CHSY3: variants seen among roughly 807,000 people sequenced by gnomAD.
CHSY3 encodes the protein chondroitin sulfate synthase 3.
Under a neutral mutation model 67.2 loss-of-function variants are expected in CHSY3, and 35 were observed. That is an observed-to-expected ratio of 0.52 (90% CI 0.40 to 0.69). The LOEUF (loss-of-function observed/expected upper bound fraction) is 0.69, where lower values mean the gene tolerates loss of function less well. CHSY3 is among the 30% of genes least tolerant of loss of function. The pLI is 0.00. For synonymous variants in CHSY3, 474 were observed against 434.7 expected (o/e 1.09, Z -1.12); for missense variants, 1,069 against 1,138.5 (o/e 0.94, Z 0.88).
At chr5:130,043,063 A>G (rs1345103018) in intron 2 of CHSY3, among the ~76,000 whole-genome samples, 5 of 152,074 alleles carry the variant, frequency 3.3e-5, no homozygotes, top group African/African-American at 1.2e-4. Context: ...CTGAAACATT[A>G]TCCTTAATTG....
chr5:129,975,474 A>C (rs1205326003), intron 2 of CHSY3, among the ~76,000 whole-genome samples: 1 of 152,168 alleles, frequency 6.6e-6, no homozygotes, highest in Admixed American at 6.5e-5. Context: ...TGTTAATACA[A>C]TATTTTAATA....
intron 2 of CHSY3, among the ~76,000 whole-genome samples, chr5:129,966,195 G>A (rs1354126519): frequency 1.3e-5 from 2 of 151,920 alleles, no homozygotes; most frequent in Non-Finnish European, 2.9e-5. Flanking sequence ...AAGCAAAAGT[G>A]TGGAGTATTT....
chr5:130,073,794 C>T (rs1019010918), intron 2 of CHSY3, among the ~76,000 whole-genome samples: 1 of 152,114 alleles, frequency 6.6e-6, no homozygotes, highest in African/African-American at 2.4e-5. Context: ...GCAGTGCATA[C>T]TTATGTTTAT....
chr5:130,050,147 C>A (rs1179849080), intron 2 of CHSY3, among the ~76,000 whole-genome samples: 1 of 152,076 alleles, frequency 6.6e-6, no homozygotes, highest in East Asian at 1.9e-4. Context: ...GGTGAATACA[C>A]ATCAAACTAC....
At chr5:130,099,837 C>T (rs186659415) in intron 2 of CHSY3, among the ~76,000 whole-genome samples, 7 of 152,264 alleles carry the variant, frequency 4.6e-5, no homozygotes, top group Admixed American at 2.0e-4. Context: ...CAACCTCTAC[C>T]GAGCTTTCAG....
chr5:129,996,178 C>T (rs982631946), intron 2 of CHSY3, among the ~76,000 whole-genome samples: 3 of 152,086 alleles, frequency 2.0e-5, no homozygotes, highest in African/African-American at 7.2e-5. Flanking sequence ...CTGGGAAGTG[C>T]CTAACAACAG....
chr5:129,905,197 GGCTTCCCGGT>G lies in CHSY3; in HGVS notation c.372_381del (p.Pro125GlnfsTer50), dbSNP rs1561446857. Reference sequence around the variant, plus strand: ...GGACGCGAGCCTGAGGGCGCGACGGGGCTTCCCGGTGCTCCAGCGGCCGAGGGGGAGCCCG... The same window carrying G: ...GGACGCGAGCCTGAGGGCGCGACGGGGCTCCAGCGGCCGAGGGGGAGCCCG... On this transcript the variant is annotated frameshift_variant, in exon 1 of 3. Coordinates refer to ENST00000305031, the MANE Select transcript of CHSY3 (RefSeq NM_175856.5). LOFTEE classifies it high-confidence loss of function. 6.6e-7 allele frequency: 1 copy of G among 1,517,558 alleles called. No homozygotes were observed. Among genetic ancestry groups the G allele is most frequent in the Non-Finnish European group, 8.8e-7 (1 of 1,139,264 alleles). The allele number at this position is 1,517,558 out of a possible 1,614,324, so 94.0% of individuals were successfully genotyped here.
chr5:130,109,212 A>C (rs1481024110), intron 2 of CHSY3, among the ~76,000 whole-genome samples: 1 of 151,806 alleles, frequency 6.6e-6, no homozygotes, highest in Non-Finnish European at 1.5e-5. Flanking sequence ...TGTAACTTAG[A>C]AATCTTTGTT....
chr5:130,072,908 T>G (rs7715346), intron 2 of CHSY3, among the ~76,000 whole-genome samples: 74,323 of 151,950 alleles, frequency 0.49, 19,075 homozygotes, highest in African/African-American at 0.65. Flanking sequence ...GACAAACACT[T>G]CATGATCTCA....
chr5:129,966,788 C>G (rs534041294), intron 2 of CHSY3, among the ~76,000 whole-genome samples: 1 of 151,766 alleles, frequency 6.6e-6, no homozygotes, highest in African/African-American at 2.4e-5. Context: ...GGGTTTAGTT[C>G]TTGCCTTGAA....
intron 2 of CHSY3, among the ~76,000 whole-genome samples, chr5:130,117,751 A>G (rs1025025548): frequency 6.6e-6 from 1 of 152,210 alleles, no homozygotes; most frequent in African/African-American, 2.4e-5. Context: ...TATCAAACAC[A>G]TCATAAATCT....
At chr5:129,938,532 T>C (rs1761584802) in intron 2 of CHSY3, among the ~76,000 whole-genome samples, 1 of 152,236 alleles carries the variant, frequency 6.6e-6, no homozygotes, top group African/African-American at 2.4e-5. Flanking sequence ...TTCATGCATA[T>C]GAGCATATGC....
intron 2 of CHSY3, among the ~76,000 whole-genome samples, chr5:129,995,520 T>C (rs1318927999): frequency 6.6e-6 from 1 of 151,696 alleles, no homozygotes; most frequent in African/African-American, 2.4e-5. Flanking sequence ...TTCTTTTTTT[T>C]TTTTCTGAGA....
In CHSY3 at chr5:129,949,891, C is replaced by T. The variant is rs565088709; in HGVS notation, c.1086+41531C>T. 5.3e-5 allele frequency among the ~76,000 whole-genome samples: 8 copies of T among 152,144 alleles called. No homozygotes were observed. The East Asian group carries it at 9.7e-4, about 18-fold the overall frequency. ...AATCATATGATGGATAGGCTGGGCG[C>T]GGTGGCTCATGCCTGTAATCCCAGC... On this transcript the variant is annotated intron_variant, in intron 2 of 2. Coordinates refer to ENST00000305031, the MANE Select transcript of CHSY3 (RefSeq NM_175856.5).
chr5:130,130,371 A>G (rs13189423), intron 2 of CHSY3, among the ~76,000 whole-genome samples: 50,670 of 151,982 alleles, frequency 0.33, 8,933 homozygotes, highest in Admixed American at 0.43. Flanking sequence ...ACCTAAATCT[A>G]TGGTGTATAT....
intron 2 of CHSY3, among the ~76,000 whole-genome samples, chr5:129,970,748 A>G (rs1299499015): frequency 6.6e-6 from 1 of 151,840 alleles, no homozygotes; most frequent in Non-Finnish European, 1.5e-5. Context: ...ACTTGTGGGT[A>G]AATTTGATTA....
At chr5:129,952,557 A>G (rs1480534453) in intron 2 of CHSY3, among the ~76,000 whole-genome samples, 1 of 152,200 alleles carries the variant, frequency 6.6e-6, no homozygotes, top group Non-Finnish European at 1.5e-5. Flanking sequence ...TTGAGGAGTC[A>G]TATTTTCTAC....
At chr5:129,910,485 G>A (rs920356424) in intron 2 of CHSY3, among the ~76,000 whole-genome samples, 2 of 151,904 alleles carry the variant, frequency 1.3e-5, no homozygotes, top group African/African-American at 4.8e-5. Context: ...ATTTATTTAA[G>A]GGAGGCATTG....
chr5:129,980,045 T>C (rs1317543128), intron 2 of CHSY3, among the ~76,000 whole-genome samples: 1 of 152,250 alleles, frequency 6.6e-6, no homozygotes, highest in African/African-American at 2.4e-5. Context: ...TGAATAAAGC[T>C]GCTGTAATCA....
Sources: gnomAD v4.1 joint callset for allele counts (sites outside exome capture counted in the v4.1 genomes callset) on GRCh38, gnomAD v4.1.1 for gene constraint, MANE v1.5 for transcripts, NCBI Gene and HGNC (gene_info 2026-07-23, HGNC 2026-07-21) for gene names.